LRRC8C: variants seen among roughly 807,000 people sequenced by gnomAD.
The protein encoded by LRRC8C is volume-regulated anion channel subunit LRRC8C.
LRRC8C carries 20 observed loss-of-function variants against 55.3 expected under a neutral mutation model. The ratio of observed to expected loss-of-function variants is 0.36; its 90% CI spans 0.25 to 0.53. The LOEUF (loss-of-function observed/expected upper bound fraction) is 0.53, where lower values mean the gene tolerates loss of function less well. LRRC8C is among the 20% of genes least tolerant of loss of function. LRRC8C has a pLI of 0.92. For synonymous variants in LRRC8C, 376 were observed against 360.7 expected (o/e 1.04, Z -0.48); for missense variants, 659 against 951.4 (o/e 0.69, Z 4.04).
At chr1:89,695,730 A>C (rs1199970649) in intron 2 of LRRC8C, among the ~76,000 whole-genome samples, 1 of 152,168 alleles carries the variant, frequency 6.6e-6, no homozygotes, top group African/African-American at 2.4e-5. Context: ...AAAAATAATA[A>C]TTTCAGCTAG....
At chr1:89,625,413 C>T in the LRRC8C span, among the ~76,000 whole-genome samples, 3 of 152,226 alleles carry the variant, frequency 2.0e-5, no homozygotes, top group East Asian at 5.8e-4. Context: ...AGCTTATGTT[C>T]TTTTCACTAA....
chr1:89,626,464 A>G, the LRRC8C span: 1 of 152,158 alleles, frequency 6.6e-6, no homozygotes, highest in Non-Finnish European at 1.5e-5. Flanking sequence ...TTCACACGCC[A>G]ATCATAAGTG....
At chr1:89,690,842 G>C (rs747514725) in intron 2 of LRRC8C, among the ~76,000 whole-genome samples, 3 of 152,082 alleles carry the variant, frequency 2.0e-5, no homozygotes, top group African/African-American at 2.4e-5. Context: ...ACAATCAGTG[G>C]CTCCTGCTCA....
At chr1:89,624,256 C>T in the LRRC8C span, among the ~76,000 whole-genome samples, 1 of 152,162 alleles carries the variant, frequency 6.6e-6, no homozygotes, top group Non-Finnish European at 1.5e-5. Flanking sequence ...CAGAGAAAGA[C>T]ATTATCTCTA....
intron 1 of LRRC8C, among the ~76,000 whole-genome samples, chr1:89,645,921 C>CT (rs895261907): frequency 6.7e-6 from 1 of 149,496 alleles, no homozygotes; most frequent in African/African-American, 2.5e-5. Flanking sequence ...AATGAGATAG[C>CT]TAAAGCAGGG....
At chr1:89,706,506 T>TA in intron 2 of LRRC8C, 1 of 337,114 alleles carries the variant, frequency 3.0e-6, no homozygotes, top group East Asian at 7.9e-5. Context: ...TTAAATAACA[T>TA]ACATCATACA....
At chr1:89,647,663 G>A (rs1011900652) in intron 1 of LRRC8C, among the ~76,000 whole-genome samples, 18 of 152,134 alleles carry the variant, frequency 1.2e-4, no homozygotes, top group East Asian at 5.8e-4. Flanking sequence ...AGGCCATCTC[G>A]AAAATAATTT....
chr1:89,712,722 A>G lies in LRRC8C; in HGVS notation c.152A>G (p.Lys51Arg). The change falls in exon 3 of 3, where the codon AAG becomes AGG. Residue 51 changes from lysine (K) to arginine (R), a missense_variant. Physicochemically the swap from Lys to Arg is conservative, Grantham distance 26 (BLOSUM62 2). Coordinates refer to ENST00000370454, the MANE Select transcript of LRRC8C (RefSeq NM_032270.5). ...FGCTLQVMQD[K>R]IICLPKRVQP... ...TCCATGTTTCAGGTCATGCAAGACA[A>G]GATAATCTGCCTTCCGAAAAGAGTG... 6.2e-7 allele frequency: 1 copy of G among 1,613,180 alleles called. No homozygotes were observed. The highest frequency in any genetic ancestry group is 8.5e-7 in the Non-Finnish European group (1 of 1,179,134).
Position 89,716,977 on chromosome 1 carries a change from G to T in LRRC8C, c.*1995G>T, listed in dbSNP as rs977497986. On this transcript the variant is annotated 3_prime_UTR_variant, in exon 3 of 3. Coordinates refer to ENST00000370454, the MANE Select transcript of LRRC8C (RefSeq NM_032270.5). The stretch of plus-strand genomic sequence containing the variant: ...AAAGTGCTTTACGTTTCTGCTCTAT[G>T]TTAATGTTTTAGAATGGTGATTTTG... 20 of 151,944 alleles carry T rather than the reference G, an allele frequency of 1.3e-4. No homozygotes were observed. The highest frequency in any genetic ancestry group is 2.7e-4 in the Non-Finnish European group (18 of 67,918). 9.4% of individuals were successfully genotyped at this position (151,944 alleles called of 1,614,324 possible).
chr1:89,667,069 T>A (rs1657287855), intron 1 of LRRC8C, among the ~76,000 whole-genome samples: 1 of 152,160 alleles, frequency 6.6e-6, no homozygotes, highest in South Asian at 2.1e-4. Flanking sequence ...CCAATAATGA[T>A]ATATGTGCAG....
upstream of LRRC8C, among the ~76,000 whole-genome samples, chr1:89,628,341 A>T (rs2101160293): frequency 6.6e-6 from 1 of 152,334 alleles, no homozygotes; most frequent in East Asian, 1.9e-4. Context: ...TGTGTGACAC[A>T]GGAGCCTTCA....
At position 89,715,197 on chromosome 1, in the gene LRRC8C, T is replaced by C. The variant is rs1335457137; in HGVS notation, c.*215T>C. On this transcript the variant is annotated 3_prime_UTR_variant, in exon 3 of 3. Transcript: ENST00000370454. ...TTTGTCTTGAAACACAATGTATCTA[T>C]TATCTACTGACAGAAAGAGATAGTT... 1 of 340,368 alleles carries C rather than the reference T, an allele frequency of 2.9e-6. No individual in the cohort carries two copies. The highest frequency in any genetic ancestry group is 5.2e-6 in the Non-Finnish European group (1 of 192,000). 21.1% of individuals were successfully genotyped at this position (340,368 alleles called of 1,614,324 possible). A position where few individuals can be genotyped will look rare whatever the true frequency, so the allele number is the denominator to read the frequency against.
chr1:89,701,999 C>T (rs1421573682), intron 2 of LRRC8C, among the ~76,000 whole-genome samples: 1 of 152,102 alleles, frequency 6.6e-6, no homozygotes, highest in African/African-American at 2.4e-5. Flanking sequence ...CAAAAGTCCT[C>T]ACTCCCAAAA....
At chr1:89,674,815 C>G (rs535105306) in intron 1 of LRRC8C, among the ~76,000 whole-genome samples, 1 of 152,136 alleles carries the variant, frequency 6.6e-6, no homozygotes, top group Non-Finnish European at 1.5e-5. Flanking sequence ...AAGGTAGATT[C>G]CTGTAAAGAT....
At chr1:89,646,490 A>G (rs1557647511) in intron 1 of LRRC8C, among the ~76,000 whole-genome samples, 2 of 152,300 alleles carry the variant, frequency 1.3e-5, no homozygotes, top group South Asian at 2.1e-4. Flanking sequence ...TCAAAAATCA[A>G]TCACTGTAAT....
At chr1:89,638,996 T>TTTTATTTTATTTTATTTTATTTTA (rs1656379165) in intron 1 of LRRC8C, among the ~76,000 whole-genome samples, 1 of 151,278 alleles carries the variant, frequency 6.6e-6, no homozygotes, top group Admixed American at 6.6e-5. Context: ...TTTTATTTTA[T>TTTTATTTTATTTTATTTTATTTTA]TTGAGACAGA....
At chr1:89,618,680 GT>G in the LRRC8C span, among the ~76,000 whole-genome samples, 7 of 152,196 alleles carry the variant, frequency 4.6e-5, no homozygotes, top group African/African-American at 1.4e-4. Context: ...CTTATCTAAA[GT>G]TTTGTCACCA....
At chr1:89,681,888 TCAA>T (rs1350820087) in intron 1 of LRRC8C, among the ~76,000 whole-genome samples, 5 of 152,122 alleles carry the variant, frequency 3.3e-5, no homozygotes, top group Non-Finnish European at 5.9e-5. Flanking sequence ...ACGCATTTAC[TCAA>T]AAAAATTTAA....
intron 2 of LRRC8C, among the ~76,000 whole-genome samples, chr1:89,700,567 G>C (rs1329265212): frequency 2.6e-5 from 4 of 152,184 alleles, no homozygotes; most frequent in Admixed American, 2.6e-4. Flanking sequence ...TGTTGGTAAA[G>C]GATAGCCTGC....
Sources: allele counts gnomAD v4.1 joint callset (sites outside exome capture counted in the v4.1 genomes callset), GRCh38; gene constraint gnomAD v4.1.1; transcripts MANE v1.5; gene names NCBI Gene and HGNC (gene_info 2026-07-23, HGNC 2026-07-21).